The following MORF4L1 variants were observed in gnomAD, a reference collection of about 807,000 sequenced individuals.
MORF4L1 encodes the protein mortality factor 4 like 1, also known as mortality factor 4-like protein 1.
A neutral mutation model predicts 52.9 loss-of-function variants in MORF4L1; 4 were observed. The ratio of observed to expected loss-of-function variants is 0.08; its 90% CI spans 0.04 to 0.17. The LOEUF is 0.17. Among genes scored for constraint, MORF4L1 ranks in the 10% least tolerant of loss-of-function variants. MORF4L1 has a pLI of 1.00. For missense variants in MORF4L1, 214 were observed against 390.4 expected, an observed-to-expected ratio of 0.55 and a Z score of 3.81; for synonymous variants, 123 against 134.8, an observed-to-expected ratio of 0.91 and a Z score of 0.61.
intron 5 of MORF4L1, 125 bp downstream of exon 5, chr15:78,887,474 C>A: frequency 1.3e-6 from 1 of 760,212 alleles, no homozygotes; most frequent in Non-Finnish European, 2.1e-6. Context: ...GAATCCCATT[C>A]CTCAGGTATC....
intron 10 of MORF4L1, 115 bp downstream of exon 10, chr15:78,894,345 T>C (rs989987288): frequency 3.9e-6 from 3 of 767,328 alleles, no homozygotes; most frequent in African/African-American, 1.8e-5. Context: ...ATTTGAACTT[T>C]TATCTAGAAT....
intron 10 of MORF4L1, chr15:78,894,486 G>A: frequency 2.7e-6 from 1 of 367,804 alleles, no homozygotes. Context: ...TTTGCTCACT[G>A]CAACCTCCGC....
At chr15:78,894,961 G>A (rs1486090099) in intron 11 of MORF4L1, 57 bp downstream of exon 11, 4 of 1,356,620 alleles carry the variant, frequency 2.9e-6, no homozygotes, top group East Asian at 2.3e-5. Flanking sequence ...GTAATGGGAG[G>A]GATTGGCAGT....
intron 8 of MORF4L1, chr15:78,892,704 G>C (rs1370588892): frequency 6.3e-6 from 1 of 157,582 alleles, no homozygotes; most frequent in African/African-American, 2.4e-5. Context: ...CTTACTAAGC[G>C]CCTGGATCTA....
chr15:78,878,187 A>G, intron 1 of MORF4L1, 26 bp from the exon 2 acceptor site: 3 of 1,602,288 alleles, frequency 1.9e-6, no homozygotes, highest in South Asian at 1.1e-5. Context: ...AGAAATTACA[A>G]TTCAGTACTT....
At chr15:78,886,925 A>T (rs78835196) in intron 4 of MORF4L1, among the ~76,000 whole-genome samples, 1 of 150,094 alleles carries the variant, frequency 6.7e-6, no homozygotes, top group Admixed American at 6.7e-5. Context: ...ACTGCAGTGT[A>T]GCCTGGGCAG....
chr15:78,878,620 AATTAT>A (rs1345827812), intron 2 of MORF4L1, among the ~76,000 whole-genome samples: 15 of 152,180 alleles, frequency 9.9e-5, no homozygotes, highest in Non-Finnish European at 1.9e-4. Flanking sequence ...GCATTGAGCT[AATTAT>A]ATTAGGTTAA....
intron 3 of MORF4L1, among the ~76,000 whole-genome samples, chr15:78,882,300 G>C (rs1201592591): frequency 6.6e-6 from 1 of 152,100 alleles, no homozygotes; most frequent in Non-Finnish European, 1.5e-5. Flanking sequence ...GAGTGACAGA[G>C]CAAGATCTGG....
chr15:78,876,294 C>G (rs1221254402), intron 1 of MORF4L1, among the ~76,000 whole-genome samples: 1 of 151,610 alleles, frequency 6.6e-6, no homozygotes, highest in Non-Finnish European at 1.5e-5. Flanking sequence ...AACTCGTAAA[C>G]TTATAAAAAA....
At chr15:78,878,143 A>C in intron 1 of MORF4L1, 70 bp from the exon 2 acceptor site, 2 of 1,469,146 alleles carry the variant, frequency 1.4e-6, no homozygotes, top group Non-Finnish European at 1.9e-6. Flanking sequence ...AAGTGTGATG[A>C]CTCTCTAAGA....
chr15:78,875,022 A>G (rs1445187044), intron 1 of MORF4L1, among the ~76,000 whole-genome samples: 1 of 152,170 alleles, frequency 6.6e-6, no homozygotes, highest in Non-Finnish European at 1.5e-5. Context: ...CAGTTATCGC[A>G]TTCTTATTTC....
intron 5 of MORF4L1, chr15:78,890,669 A>G (rs561223674): frequency 2.3e-5 from 4 of 175,892 alleles, no homozygotes; most frequent in African/African-American, 9.5e-5. Context: ...TTTTATAGAG[A>G]ACAGGATTTG....
chr15:78,876,614 A>C (rs1436176958), intron 1 of MORF4L1: 1 of 456,002 alleles, frequency 2.2e-6, no homozygotes, highest in Non-Finnish European at 4.4e-6. Context: ...TGCCTTTAAA[A>C]TGTACCAGGA....
chr15:78,874,223 A>G (rs545369411), intron 1 of MORF4L1, among the ~76,000 whole-genome samples: 2 of 152,370 alleles, frequency 1.3e-5, no homozygotes, highest in East Asian at 3.9e-4. Context: ...GTTACCGTAA[A>G]TACGATGTCT....
chr15:78,877,946 T>C (rs994858500), intron 1 of MORF4L1: 2 of 342,324 alleles, frequency 5.8e-6, no homozygotes, highest in Non-Finnish European at 1.1e-5. Context: ...GAGAGTCCGC[T>C]TATGTGCTTA....
At chr15:78,880,212 C>T (rs1877931910) in intron 2 of MORF4L1, among the ~76,000 whole-genome samples, 1 of 152,138 alleles carries the variant, frequency 6.6e-6, no homozygotes, top group African/African-American at 2.4e-5. Context: ...AAATATAGCT[C>T]CTGGCTGATT....
chr15:78,894,669 A>G, intron 10 of MORF4L1, 151 bp from the exon 11 acceptor site: 2 of 629,588 alleles, frequency 3.2e-6, no homozygotes, highest in Non-Finnish European at 5.6e-6. Flanking sequence ...CGGCCTCCCA[A>G]AGTGCTGGGA....
At chr15:78,877,103 C>T (rs917500883) in intron 1 of MORF4L1, among the ~76,000 whole-genome samples, 5 of 139,894 alleles carry the variant, frequency 3.6e-5, no homozygotes, top group African/African-American at 1.3e-4. Context: ...CACATCACCA[C>T]GCCCGGCTGA....
intron 11 of MORF4L1, among the ~76,000 whole-genome samples, chr15:78,896,081 C>T (rs978558130): frequency 2.0e-5 from 3 of 152,002 alleles, no homozygotes; most frequent in Non-Finnish European, 4.4e-5. Flanking sequence ...TGGGTTCAAA[C>T]GATTCTTGGG....
Sources: allele counts gnomAD v4.1 joint callset (sites outside exome capture counted in the v4.1 genomes callset), GRCh38; gene constraint gnomAD v4.1.1; transcripts MANE v1.5; gene names NCBI Gene and HGNC (gene_info 2026-07-23, HGNC 2026-07-21).